Variants in PACRG observed in about 807,000 individuals in gnomAD.
PACRG encodes parkin coregulated gene protein.
In PACRG, 29 loss-of-function variants were observed where a neutral mutation model predicts 29.7. That is an observed-to-expected ratio of 0.98 (90% CI 0.73 to 1.33). PACRG has a LOEUF of 1.33. Among genes scored for constraint, PACRG ranks in the 40% most tolerant of loss-of-function variants. The pLI is 0.00. For synonymous variants in PACRG, 116 were observed against 118.7 expected, an observed-to-expected ratio of 0.98 and a Z score of 0.15; for missense variants, 279 against 316.2, an observed-to-expected ratio of 0.88 and a Z score of 0.89.
intron 2 of PACRG, among the ~76,000 whole-genome samples, chr6:163,039,355 C>T (rs1808486569): frequency 1.3e-5 from 2 of 152,088 alleles, no homozygotes. Flanking sequence ...AGTGTGAGAA[C>T]AAACTAATAC....
intron 2 of PACRG, among the ~76,000 whole-genome samples, chr6:162,960,115 G>A (rs1468358741): frequency 6.6e-6 from 1 of 152,166 alleles, no homozygotes; most frequent in Non-Finnish European, 1.5e-5. Flanking sequence ...ACGGATGCTG[G>A]TGAAGCTGTG....
chr6:163,122,286 T>TACACACACACACACACAC lies in PACRG; in HGVS notation c.613+32879_613+32896dup, dbSNP rs57013650. 4.4e-3 allele frequency among the ~76,000 whole-genome samples: 658 copies of TACACACACACACACACAC among 151,106 alleles called. 3 individuals carry two copies. The highest frequency in any genetic ancestry group is 0.015 in the African/African-American group (604 of 41,164). On this transcript the variant is annotated intron_variant, in intron 4 of 4. Transcript: ENST00000366888. The stretch of plus-strand genomic sequence containing the variant: ...CATCTTCATTCTGCTTTAACGCATT[T>TACACACACACACACACAC]ACACACACACACACACACTTCCTTT...
intron 1 of PACRG, among the ~76,000 whole-genome samples, chr6:162,803,134 A>G (rs1231571608): frequency 6.6e-6 from 1 of 152,114 alleles, no homozygotes; most frequent in Non-Finnish European, 1.5e-5. Context: ...ATCAAACCCC[A>G]CTTCACAGTA....
intron 4 of PACRG, among the ~76,000 whole-genome samples, chr6:163,170,208 C>T (rs183792746): frequency 8.6e-4 from 131 of 152,184 alleles, no homozygotes; most frequent in African/African-American, 3.1e-3. Flanking sequence ...GGTGAGACTG[C>T]TGGAGGAAGA....
At chr6:163,069,263 A>G (rs1453253121) in intron 3 of PACRG, among the ~76,000 whole-genome samples, 4 of 148,806 alleles carry the variant, frequency 2.7e-5, no homozygotes, top group Admixed American at 1.4e-4. Flanking sequence ...CATCAAGACC[A>G]TCCAGGAAAA....
chr6:163,227,606 C>T (rs1394413725), intron 4 of PACRG, among the ~76,000 whole-genome samples: 2 of 152,164 alleles, frequency 1.3e-5, no homozygotes, highest in African/African-American at 4.8e-5. Context: ...CCCATCGTTA[C>T]AGGACTTGCA....
intron 2 of PACRG, among the ~76,000 whole-genome samples, chr6:162,858,585 T>C (rs755076262): frequency 1.1e-4 from 17 of 152,170 alleles, no homozygotes; most frequent in Non-Finnish European, 1.9e-4. Context: ...ACATCACATT[T>C]ATTTAATAGA....
chr6:162,792,890 T>C (rs1400606419), intron 1 of PACRG, among the ~76,000 whole-genome samples: 1 of 151,228 alleles, frequency 6.6e-6, no homozygotes, highest in Non-Finnish European at 1.5e-5. Flanking sequence ...GAATGCAAAA[T>C]GAGAGGTGAC....
At chr6:162,754,566 C>T (rs756473826) in intron 1 of PACRG, among the ~76,000 whole-genome samples, 3 of 151,792 alleles carry the variant, frequency 2.0e-5, no homozygotes, top group Non-Finnish European at 4.4e-5. Flanking sequence ...GGAGCTTCCT[C>T]CCAGTGTTTT....
intron 1 of PACRG, among the ~76,000 whole-genome samples, chr6:162,765,500 A>T (rs1167881192): frequency 6.6e-6 from 1 of 152,082 alleles, no homozygotes; most frequent in Admixed American, 6.5e-5. Context: ...TTGACCGGTG[A>T]CCTGTGTCCA....
At chr6:162,941,886 G>C (rs796651217) in intron 2 of PACRG, among the ~76,000 whole-genome samples, 14 of 152,132 alleles carry the variant, frequency 9.2e-5, no homozygotes, top group Admixed American at 2.6e-4. Context: ...AAAAAAGCCA[G>C]TTGCTTTCAT....
intron 1 of PACRG, among the ~76,000 whole-genome samples, chr6:162,765,943 T>TA (rs1782754185): frequency 2.0e-5 from 3 of 152,200 alleles, no homozygotes; most frequent in African/African-American, 7.2e-5. Context: ...TTATTTTTAG[T>TA]TGACAAATAA....
intron 4 of PACRG, among the ~76,000 whole-genome samples, chr6:163,114,253 A>AAAC (rs374458785): frequency 1.3e-5 from 2 of 152,172 alleles, no homozygotes; most frequent in African/African-American, 4.8e-5. Flanking sequence ...TCTGTCTCAA[A>AAAC]AACAACAACA....
chr6:162,843,595 G>A (rs1790016702), intron 2 of PACRG, among the ~76,000 whole-genome samples: 2 of 127,422 alleles, frequency 1.6e-5, no homozygotes, highest in Non-Finnish European at 1.7e-5. Context: ...TCTTCTCTCA[G>A]CTCGTCAAAG....
At chr6:162,927,862 T>C (rs1797564869) in intron 2 of PACRG, among the ~76,000 whole-genome samples, 1 of 152,052 alleles carries the variant, frequency 6.6e-6, no homozygotes, top group Non-Finnish European at 1.5e-5. Context: ...ATCCCTGGGA[T>C]GAATGAAACT....
rs1584268305 is a variant in PACRG, at chr6:162,761,311, G to C, written c.156+32920G>C. ...TCTGTGGTTGGGTCTTAACCCTGTAGCAATATAGATGAGCTGAGCTGGTAG... is the reference window on the plus strand; with the variant it reads ...TCTGTGGTTGGGTCTTAACCCTGTACCAATATAGATGAGCTGAGCTGGTAG... On this transcript the variant is annotated intron_variant, in intron 1 of 4. Transcript: ENST00000366888. Among the ~76,000 whole-genome samples the C allele has an allele frequency of 2.0e-5, 3 of 152,152 alleles. No homozygotes were observed. In the East Asian group the frequency reaches 5.8e-4, roughly 29 times the overall value.
intron 2 of PACRG, among the ~76,000 whole-genome samples, chr6:162,976,313 C>G (rs73607883): frequency 0.07 from 10,715 of 152,186 alleles, 1,014 homozygotes; most frequent in African/African-American, 0.21. Flanking sequence ...TGGACTGCAG[C>G]TGAATGATGC....
intron 4 of PACRG, among the ~76,000 whole-genome samples, chr6:163,101,986 C>CT (rs1815119149): frequency 6.6e-6 from 1 of 152,170 alleles, no homozygotes; most frequent in Admixed American, 6.5e-5. Flanking sequence ...CTAAAAAATC[C>CT]TTTAAAAACA....
chr6:163,142,803 C>A (rs1205889476), intron 4 of PACRG, among the ~76,000 whole-genome samples: 1 of 152,124 alleles, frequency 6.6e-6, no homozygotes, highest in East Asian at 1.9e-4. Flanking sequence ...GATATTCTCT[C>A]CATAAAACAT....
Sources: allele counts gnomAD v4.1 joint callset (sites outside exome capture counted in the v4.1 genomes callset), GRCh38; gene constraint gnomAD v4.1.1; transcripts MANE v1.5; gene names NCBI Gene and HGNC (gene_info 2026-07-23, HGNC 2026-07-21).